Variants in STK32B observed in about 807,000 individuals in gnomAD.
STK32B encodes the protein serine/threonine-protein kinase 32B.
Under a neutral mutation model 52.6 loss-of-function variants are expected in STK32B, and 43 were observed. The observed-to-expected ratio is 0.82, with a 90% CI of 0.64 to 1.05. The LOEUF is 1.05. STK32B is among the 50% of genes least tolerant of loss of function. The probability of loss-of-function intolerance (pLI) is 0.00; values close to 1 mark genes in which losing one functional copy is unlikely to be tolerated. For missense variants in STK32B, 621 were observed against 534.6 expected (o/e 1.16, Z -1.59); for synonymous variants, 238 against 204.3 (o/e 1.17, Z -1.41).
chr4:5,182,772 C>A (rs529924400), intron 3 of STK32B, among the ~76,000 whole-genome samples: 2 of 152,130 alleles, frequency 1.3e-5, no homozygotes, highest in Admixed American at 1.3e-4. Context: ...AAATGTACTT[C>A]TTAAATAATA....
chr4:5,198,517 G>T (rs987144193), intron 3 of STK32B, among the ~76,000 whole-genome samples: 1 of 152,182 alleles, frequency 6.6e-6, no homozygotes, highest in African/African-American at 2.4e-5. Flanking sequence ...GGTACTGAAG[G>T]ACAAGGGGAG....
chr4:5,173,740 G>A (rs1719586554), intron 3 of STK32B, among the ~76,000 whole-genome samples: 1 of 152,130 alleles, frequency 6.6e-6, no homozygotes, highest in Non-Finnish European at 1.5e-5. Context: ...GGTCAATTTT[G>A]GAATAGGTGT....
In STK32B at chr4:5,499,419, G is replaced by A. The variant is rs919218750; in HGVS notation, c.*336G>A. The A allele has an allele frequency of 8.5e-5, 22 of 260,148 alleles. No homozygotes were observed. Among genetic ancestry groups the A allele is most frequent in the East Asian group, 4.9e-4 (7 of 14,206 alleles). The allele number at this position is 260,148 out of a possible 1,614,324, so 16.1% of individuals were successfully genotyped here. On this transcript the variant is annotated 3_prime_UTR_variant, in exon 12 of 12. Transcript: ENST00000282908. ...TTGATATTTATAAAATCATTTTTAC[G>A]TGCAAAATATAACCTTAATATTTGA...
At chr4:5,484,877 G>C (rs988983186) in intron 11 of STK32B, among the ~76,000 whole-genome samples, 2 of 152,104 alleles carry the variant, frequency 1.3e-5, no homozygotes, top group African/African-American at 4.8e-5. Flanking sequence ...TGAAATTCTG[G>C]GTTGAAAATT....
At chr4:5,247,261 C>G (rs896936826) in intron 3 of STK32B, among the ~76,000 whole-genome samples, 3 of 152,194 alleles carry the variant, frequency 2.0e-5, no homozygotes, top group African/African-American at 4.8e-5. Flanking sequence ...CCTACTCAAG[C>G]CTGAGCAATG....
At chr4:5,347,060 C>T (rs1733516931) in intron 4 of STK32B, among the ~76,000 whole-genome samples, 1 of 152,200 alleles carries the variant, frequency 6.6e-6, no homozygotes, top group African/African-American at 2.4e-5. Flanking sequence ...CCACTAGGTC[C>T]CTCCCTATAC....
At chr4:5,207,839 A>G (rs1177872707) in intron 3 of STK32B, among the ~76,000 whole-genome samples, 3 of 151,756 alleles carry the variant, frequency 2.0e-5, no homozygotes, top group Non-Finnish European at 2.9e-5. Context: ...CCTGTGTCAT[A>G]TGTTTGTTTT....
At chr4:5,244,005 A>G (rs1314002074) in intron 3 of STK32B, among the ~76,000 whole-genome samples, 1 of 152,036 alleles carries the variant, frequency 6.6e-6, no homozygotes, top group Non-Finnish European at 1.5e-5. Context: ...GGATTTTTGC[A>G]TCAATGTTCA....
intron 3 of STK32B, among the ~76,000 whole-genome samples, chr4:5,259,718 T>C (rs28715120): frequency 0.12 from 18,397 of 152,120 alleles, 3,048 homozygotes; most frequent in African/African-American, 0.38. Context: ...GCAGAAACCA[T>C]GTGCTGGGAT....
chr4:5,423,404 T>C (rs1712807836), intron 6 of STK32B, among the ~76,000 whole-genome samples: 1 of 152,110 alleles, frequency 6.6e-6, no homozygotes, highest in East Asian at 1.9e-4. Context: ...AGAAATGGGA[T>C]TAATGGTTTA....
rs566359180 is a variant in STK32B at position 5,410,085 on chromosome 4, G to A, written c.473-6760G>A. 7.2e-5 allele frequency among the ~76,000 whole-genome samples: 11 copies of A among 152,268 alleles called. No homozygotes were observed. In the East Asian group the frequency reaches 1.2e-3, roughly 16 times the overall value. The stretch of plus-strand genomic sequence containing the variant: ...GAGAAGAAAAGAATAGTTCTGTGTG[G>A]TGCCCAGAGTGTTTGATCCTGTGTT... On this transcript the variant is annotated intron_variant, in intron 5 of 11. Transcript: ENST00000282908.
intron 3 of STK32B, among the ~76,000 whole-genome samples, chr4:5,280,218 C>G (rs1056067339): frequency 3.3e-5 from 5 of 152,134 alleles, no homozygotes; most frequent in African/African-American, 1.2e-4. Flanking sequence ...ACATTTCTCT[C>G]AAGTTCAAAG....
chr4:5,153,399 A>G (rs1717533050), intron 2 of STK32B, among the ~76,000 whole-genome samples: 1 of 151,930 alleles, frequency 6.6e-6, no homozygotes, highest in Admixed American at 6.6e-5. Flanking sequence ...TTCTTATGTG[A>G]GAATAAGGGG....
Position 5,240,926 on chromosome 4 carries a change from T to A in STK32B, c.260+72476T>A, listed in dbSNP as rs1053313697. Among the ~76,000 whole-genome samples, 20 of 152,356 alleles carry A rather than the reference T, an allele frequency of 1.3e-4. No homozygotes were observed. The East Asian group carries it at 3.5e-3, about 26-fold the overall frequency. ...GTCTCTTTGTCTATCCTTCTATCAATAACTCACCATCTTACTAATTTTAGC... is the reference window on the plus strand; with the variant it reads ...GTCTCTTTGTCTATCCTTCTATCAAAAACTCACCATCTTACTAATTTTAGC... On this transcript the variant is annotated intron_variant, in intron 3 of 11. Transcript: ENST00000282908.
rs1736930012 is a variant in STK32B at position 5,396,502 on chromosome 4, C to T, written c.435-1705C>T. Among the ~76,000 whole-genome samples the T allele has an allele frequency of 6.6e-6, 1 of 152,184 alleles. No individual in the cohort carries two copies. The highest frequency in any genetic ancestry group is 2.4e-5 in the African/African-American group (1 of 41,448). The stretch of plus-strand genomic sequence containing the variant: ...TGGGTGGACATGAATTTTGAAGGGA[C>T]ACCATTCAACCCAGTACGCCAGATC... On this transcript the variant is annotated intron_variant, in intron 4 of 11. Coordinates refer to ENST00000282908, the MANE Select transcript of STK32B (RefSeq NM_018401.3). The surrounding 1 kb of genome is among the most constrained non-coding windows in gnomAD (Gnocchi z 4.7).
chr4:5,298,835 A>T (rs1452861879), intron 3 of STK32B, among the ~76,000 whole-genome samples: 7 of 142,936 alleles, frequency 4.9e-5, no homozygotes, highest in African/African-American at 1.7e-4. Flanking sequence ...CCACTGGGGT[A>T]TGCAAAAAAA....
rs147727144 is a variant in STK32B at position 5,241,859 on chromosome 4, G to C, written c.260+73409G>C. On this transcript the variant is annotated intron_variant, in intron 3 of 11. Transcript: ENST00000282908. The stretch of plus-strand genomic sequence containing the variant: ...TTTTGTCCTCGCGATAGTTTGCTGA[G>C]AATGACGGTTTCCAGCTTCATCCAT... 7.1e-3 allele frequency among the ~76,000 whole-genome samples: 1,083 copies of C among 152,234 alleles called. 9 individuals carry two copies. The highest frequency in any genetic ancestry group is 0.013 in the Non-Finnish European group (888 of 68,008).
chr4:5,177,222 C>T (rs779991094), intron 3 of STK32B, among the ~76,000 whole-genome samples: 1 of 152,272 alleles, frequency 6.6e-6, no homozygotes, highest in African/African-American at 2.4e-5. Flanking sequence ...AACTTATAAT[C>T]AGGGCAGAAG....
intron 1 of STK32B, among the ~76,000 whole-genome samples, chr4:5,090,466 C>G (rs967336193): frequency 2.0e-5 from 3 of 150,526 alleles, no homozygotes; most frequent in African/African-American, 7.3e-5. Context: ...AACTCTGCCT[C>G]CCAGGTTCAC....
Sources: gnomAD v4.1 joint callset for allele counts (sites outside exome capture counted in the v4.1 genomes callset) on GRCh38, gnomAD v4.1.1 for gene constraint, Gnocchi (gnomAD v3.1) non-coding constraint, MANE v1.5 for transcripts, NCBI Gene and HGNC (gene_info 2026-07-23, HGNC 2026-07-21) for gene names.